Variants in TTC29 observed in about 807,000 individuals in gnomAD.
TTC29 encodes tetratricopeptide repeat protein 29.
In TTC29, 49 loss-of-function variants were observed where a neutral mutation model predicts 58.1. The observed-to-expected ratio is 0.84, with a 90% CI of 0.67 to 1.07. TTC29 has a LOEUF of 1.07. Ranked by LOEUF, TTC29 falls within the 50% of genes least tolerant of loss-of-function variation. The pLI is 0.00. For synonymous variants in TTC29, 209 were observed against 196.8 expected, an observed-to-expected ratio of 1.06 and a Z score of -0.52; for missense variants, 582 against 555.6, an observed-to-expected ratio of 1.05 and a Z score of -0.48.
intron 11 of TTC29, among the ~76,000 whole-genome samples, chr4:146,778,011 C>T (rs1748237803): frequency 6.6e-6 from 1 of 152,148 alleles, no homozygotes; most frequent in South Asian, 2.1e-4. Flanking sequence ...CAGATGGCTA[C>T]TGAATATCTC....
intron 11 of TTC29, among the ~76,000 whole-genome samples, chr4:146,710,120 C>T (rs1356893342): frequency 2.0e-5 from 3 of 152,246 alleles, no homozygotes; most frequent in African/African-American, 7.2e-5. Context: ...CACTTAACGA[C>T]AAGAATACCT....
At chr4:146,806,458 A>G (rs1338208744) in intron 10 of TTC29, among the ~76,000 whole-genome samples, 1 of 152,210 alleles carries the variant, frequency 6.6e-6, no homozygotes, top group East Asian at 1.9e-4. Flanking sequence ...AAGACTGAAG[A>G]CCCATCGGTG....
At position 146,707,553 on chromosome 4, in the gene TTC29, T is replaced by TAA; in HGVS notation, c.1331-4_1331-3dup. 5.6e-6 allele frequency: 8 copies of TAA among 1,426,496 alleles called. No individual in the cohort carries two copies. Among genetic ancestry groups the TAA allele is most frequent in the Non-Finnish European group, 4.7e-6 (5 of 1,053,746 alleles). 88.4% of individuals were successfully genotyped at this position (1,426,496 alleles called of 1,614,324 possible). A position where few individuals can be genotyped will look rare whatever the true frequency, so the allele number is the denominator to read the frequency against. On this transcript the variant is annotated splice_region_variant and splice_polypyrimidine_tract_variant and intron_variant, in intron 11 of 12. Transcript: ENST00000325106. ...CCACTGTGGATCCTCTAAACTCTTC[T>TAA]AAAAAAAAAATACACAAAGTTAATA...
At chr4:146,837,279 T>A (rs1728571851) in intron 8 of TTC29, among the ~76,000 whole-genome samples, 1 of 151,866 alleles carries the variant, frequency 6.6e-6, no homozygotes. Context: ...CACTTATAAG[T>A]GGGTGCTAAA....
In TTC29 at chr4:146,750,206, G is replaced by A. The variant is rs145531470; in HGVS notation, c.1331-42655C>T. Among the ~76,000 whole-genome samples the A allele has an allele frequency of 6.9e-4, 105 of 152,116 alleles. 4 individuals carry two copies. In the East Asian group the frequency reaches 0.014, roughly 20 times the overall value. On this transcript the variant is annotated intron_variant, in intron 11 of 12. Coordinates refer to ENST00000325106, the MANE Select transcript of TTC29 (RefSeq NM_031956.4). ...GTATTTTTAGCAGAGACGGGGTTTC[G>A]CGGTGTTAGCCAAGATGGTCTCAAT...
At chr4:146,750,623 G>A (rs1296848392) in intron 11 of TTC29, among the ~76,000 whole-genome samples, 1 of 152,150 alleles carries the variant, frequency 6.6e-6, no homozygotes, top group Non-Finnish European at 1.5e-5. Context: ...TAGAGGTTTT[G>A]TATGCAACAG....
At chr4:146,797,863 C>G (rs1199662785) in intron 11 of TTC29, among the ~76,000 whole-genome samples, 1 of 94,294 alleles carries the variant, frequency 1.1e-5, no homozygotes, top group Non-Finnish European at 2.2e-5. Context: ...TATATATATT[C>G]GTTCTCTCTT....
At chr4:146,849,152 A>G (rs1483438709) in intron 8 of TTC29, among the ~76,000 whole-genome samples, 1 of 152,154 alleles carries the variant, frequency 6.6e-6, no homozygotes, top group Non-Finnish European at 1.5e-5. Flanking sequence ...AGTCACTACC[A>G]TTTATAGAGC....
rs1012068005 is a variant in TTC29, at chr4:146,934,544, G to A, written c.176+3050C>T. Among the ~76,000 whole-genome samples the A allele has an allele frequency of 5.3e-5, 8 of 152,146 alleles. 1 individual carries two copies. The highest frequency in any genetic ancestry group is 1.5e-5 in the Non-Finnish European group (1 of 68,032). On this transcript the variant is annotated intron_variant, in intron 4 of 12. Transcript: ENST00000325106. ...CAGCTTGATGGAGAGGCCAGTGCTG[G>A]ATTTATAAATTGAGTAGCCGTTGGG... is the stretch of plus-strand genomic sequence containing the variant.
chr4:146,752,838 T>C (rs1746123041), intron 11 of TTC29, among the ~76,000 whole-genome samples: 1 of 152,188 alleles, frequency 6.6e-6, no homozygotes. Flanking sequence ...ATGGGAAAAC[T>C]GGCTAGCCAT....
At chr4:146,727,206 T>A (rs4476620) in intron 11 of TTC29, among the ~76,000 whole-genome samples, 1 of 151,894 alleles carries the variant, frequency 6.6e-6, no homozygotes, top group Non-Finnish European at 1.5e-5. Flanking sequence ...TTTTTACATA[T>A]TTTATTTTTT....
chr4:146,895,504 GA>G (rs1212313205), intron 6 of TTC29, among the ~76,000 whole-genome samples: 5 of 149,754 alleles, frequency 3.3e-5, no homozygotes, highest in African/African-American at 5.1e-5. Context: ...TCCGACTGGT[GA>G]AATTCTTTAC....
intron 11 of TTC29, among the ~76,000 whole-genome samples, chr4:146,772,970 T>G (rs1747841144): frequency 6.6e-6 from 1 of 152,146 alleles, no homozygotes; most frequent in African/African-American, 2.4e-5. Flanking sequence ...TATTTTATTC[T>G]TTTTGTGGCT....
At chr4:146,728,222 G>T (rs913296774) in intron 11 of TTC29, among the ~76,000 whole-genome samples, 1 of 151,708 alleles carries the variant, frequency 6.6e-6, no homozygotes, top group Non-Finnish European at 1.5e-5. Context: ...GGAGGCAAAG[G>T]TTGCAGTGAG....
intron 8 of TTC29, among the ~76,000 whole-genome samples, chr4:146,834,375 G>A (rs906049167): frequency 6.6e-6 from 1 of 152,230 alleles, no homozygotes. Context: ...CTCACCGTTT[G>A]TGCATGTATA....
intron 4 of TTC29, among the ~76,000 whole-genome samples, chr4:146,921,117 C>T (rs1233628695): frequency 6.6e-6 from 1 of 151,358 alleles, no homozygotes; most frequent in East Asian, 1.9e-4. Flanking sequence ...GTGTGCGCTG[C>T]GCACATGAAC....
chr4:146,898,080 C>T (rs566102558), intron 6 of TTC29, among the ~76,000 whole-genome samples: 1 of 152,118 alleles, frequency 6.6e-6, no homozygotes, highest in Non-Finnish European at 1.5e-5. Flanking sequence ...TCATAACACT[C>T]ATGGAAAAAT....
chr4:146,754,159 C>T (rs1746249913), intron 11 of TTC29, among the ~76,000 whole-genome samples: 1 of 150,588 alleles, frequency 6.6e-6, no homozygotes, highest in Non-Finnish European at 1.5e-5. Context: ...GAAATTATAA[C>T]AGATGCCTCA....
intron 6 of TTC29, among the ~76,000 whole-genome samples, chr4:146,877,435 T>G (rs1223887304): frequency 6.6e-6 from 1 of 152,216 alleles, no homozygotes; most frequent in East Asian, 1.9e-4. Context: ...TTCATGGCTC[T>G]AATCTATCTT....
Sources: allele counts gnomAD v4.1 joint callset (sites outside exome capture counted in the v4.1 genomes callset), GRCh38; gene constraint gnomAD v4.1.1; transcripts MANE v1.5; gene names NCBI Gene and HGNC (gene_info 2026-07-23, HGNC 2026-07-21).